Variants in FOLH1 observed in about 807,000 individuals in gnomAD.
FOLH1 encodes glutamate carboxypeptidase 2.
In FOLH1, 54 loss-of-function variants were observed where a neutral mutation model predicts 93.9. The observed-to-expected ratio is 0.57, with a 90% CI of 0.46 to 0.72. FOLH1 has a LOEUF of 0.72. Among genes scored for constraint, FOLH1 ranks in the 30% least tolerant of loss-of-function variants. The probability of loss-of-function intolerance (pLI) is 0.00; values close to 1 mark genes in which losing one functional copy is unlikely to be tolerated. For missense variants in FOLH1, 571 were observed against 892.5 expected (o/e 0.64, Z 4.59); for synonymous variants, 249 against 303.6 (o/e 0.82, Z 1.87).
intron 4 of FOLH1, among the ~76,000 whole-genome samples, chr11:49,191,874 AT>A (rs1390315412): frequency 1.3e-5 from 2 of 152,000 alleles, no homozygotes; most frequent in Non-Finnish European, 2.9e-5. Flanking sequence ...ATTATTTTGT[AT>A]TTTTAATAGA....
chr11:49,207,461 C>A (rs1027947970), intron 1 of FOLH1, among the ~76,000 whole-genome samples: 3 of 152,304 alleles, frequency 2.0e-5, no homozygotes, highest in Non-Finnish European at 2.9e-5. Context: ...TCTTCTAAAT[C>A]CCGAAAGAGG....
At chr11:49,185,917 C>T (rs1590624701) in intron 5 of FOLH1, 62 bp from the exon 6 acceptor site, 1 of 1,485,438 alleles carries the variant, frequency 6.7e-7, no homozygotes, top group African/African-American at 1.4e-5. Flanking sequence ...TCGGTAATAT[C>T]AATTTTCAAT....
At chr11:49,160,592 G>T (rs1358283888) in intron 13 of FOLH1, among the ~76,000 whole-genome samples, 1 of 151,896 alleles carries the variant, frequency 6.6e-6, no homozygotes, top group Non-Finnish European at 1.5e-5. Context: ...ACAGGCACCC[G>T]CCACCACGTC....
At chr11:49,180,492 A>AT (rs1860592084) in intron 7 of FOLH1, among the ~76,000 whole-genome samples, 1 of 152,226 alleles carries the variant, frequency 6.6e-6, no homozygotes, top group Non-Finnish European at 1.5e-5. Flanking sequence ...AGTTCTCAGC[A>AT]TTCTTCGGCC....
Position 49,200,318 on chromosome 11 carries a change from C to G in FOLH1, c.348G>C (p.Leu116=). The change falls in exon 3 of 19, where the codon CTG becomes CTC. Residue 116 remains leucine (L), a synonymous_variant. Coordinates refer to ENST00000256999, the MANE Select transcript of FOLH1 (RefSeq NM_004476.3). ...DSVELAHYDV[L]LSYPNKTHPN... Reference sequence around the variant, plus strand: ...GATGAGTCTTATTTGGGTAGGACAACAGGACATCATAATGTGCTAGCTCAA... The same window carrying G: ...GATGAGTCTTATTTGGGTAGGACAAGAGGACATCATAATGTGCTAGCTCAA... 1 of 1,612,324 alleles carries G rather than the reference C, an allele frequency of 6.2e-7. No individual in the cohort carries two copies. The highest frequency in any genetic ancestry group is 1.7e-4 in the Middle Eastern group (1 of 6,052).
At chr11:49,200,991 CAG>C (rs1590693995) in intron 2 of FOLH1, among the ~76,000 whole-genome samples, 1 of 152,034 alleles carries the variant, frequency 6.6e-6, no homozygotes, top group Non-Finnish European at 1.5e-5. Context: ...ATCTATCATA[CAG>C]AGTGACACAC....
intron 10 of FOLH1, 77 bp downstream of exon 10, chr11:49,173,280 T>C (rs1448189370): frequency 2.1e-6 from 3 of 1,435,254 alleles, no homozygotes; most frequent in Non-Finnish European, 2.8e-6. Flanking sequence ...TGAGGTAGTA[T>C]TTTTATACTC....
intron 13 of FOLH1, among the ~76,000 whole-genome samples, chr11:49,161,321 C>A (rs1306716679): frequency 6.6e-6 from 1 of 152,146 alleles, no homozygotes; most frequent in South Asian, 2.1e-4. Flanking sequence ...GTGTTATGTG[C>A]ATATATATTT....
At chr11:49,158,947 G>T (rs1565141682) in intron 13 of FOLH1, among the ~76,000 whole-genome samples, 1 of 152,124 alleles carries the variant, frequency 6.6e-6, no homozygotes, top group Admixed American at 6.5e-5. Flanking sequence ...TGTTGTTAGT[G>T]TATAGGAATG....
At chr11:49,155,830 A>ATATATC (rs1565135148) in intron 15 of FOLH1, among the ~76,000 whole-genome samples, 1 of 137,490 alleles carries the variant, frequency 7.3e-6, no homozygotes, top group Non-Finnish European at 1.6e-5. Context: ...ATATATATAT[A>ATATATC]TATATAATCA....
At chr11:49,165,952 A>G (rs1168543494) in intron 12 of FOLH1, among the ~76,000 whole-genome samples, 2 of 152,234 alleles carry the variant, frequency 1.3e-5, no homozygotes, top group Non-Finnish European at 2.9e-5. Context: ...TTAATTGCCC[A>G]CATCTGAAGA....
intron 12 of FOLH1, among the ~76,000 whole-genome samples, chr11:49,166,442 G>C (rs919802425): frequency 3.9e-5 from 6 of 152,154 alleles, no homozygotes; most frequent in Admixed American, 6.5e-5. Flanking sequence ...ACTTATCTCA[G>C]AGAGTTATTG....
chr11:49,197,655 G>T (rs1434404565), intron 3 of FOLH1, among the ~76,000 whole-genome samples: 1 of 152,000 alleles, frequency 6.6e-6, no homozygotes, highest in Non-Finnish European at 1.5e-5. Context: ...AGAAATCATA[G>T]TTTACCACAT....
rs774399823 is a variant in FOLH1, at chr11:49,175,876, A to G, written c.1002T>C (p.Thr334=). ...KVPYNVGPGF[T]GNFSTQKVKM... is the part of the protein sequence containing the mutation. The stretch of plus-strand genomic sequence containing the variant: ...CTCTTAACTGTGTAGAAAAGTTTCC[A>G]GTAAAGCCAGGTCCAACATTGTAGG... Residue 334 remains threonine (T), a synonymous_variant, in exon 8 of 19, where the codon ACT becomes ACC. Coordinates refer to ENST00000256999, the MANE Select transcript of FOLH1 (RefSeq NM_004476.3). The G allele has an allele frequency of 2.5e-6, 4 of 1,613,650 alleles. No homozygotes were observed. The highest frequency in any genetic ancestry group is 3.4e-6 in the Non-Finnish European group (4 of 1,179,748).
chr11:49,185,520 C>T, intron 6 of FOLH1, 149 bp downstream of exon 6: 1 of 1,045,948 alleles, frequency 9.6e-7, no homozygotes, highest in Non-Finnish European at 1.4e-6. Context: ...GGGCCTGAAC[C>T]AATCACTTTA....
intron 3 of FOLH1, among the ~76,000 whole-genome samples, chr11:49,198,640 CAT>C (rs1465788267): frequency 6.6e-6 from 1 of 152,138 alleles, no homozygotes; most frequent in African/African-American, 2.4e-5. Flanking sequence ...ATTTTCTGAA[CAT>C]GTTTTAAAGA....
intron 7 of FOLH1, among the ~76,000 whole-genome samples, chr11:49,179,993 G>A (rs945807755): frequency 1.5e-4 from 23 of 152,180 alleles, no homozygotes; most frequent in Non-Finnish European, 3.1e-4. Flanking sequence ...CGCCATTAAA[G>A]GTCTCCCGAG....
chr11:49,148,872 C>G, intron 17 of FOLH1, 141 bp from the exon 18 acceptor site: 3 of 640,750 alleles, frequency 4.7e-6, no homozygotes, highest in Non-Finnish European at 5.0e-6. Flanking sequence ...TTTGTGCATA[C>G]TCAAGTCCTG....
Position 49,174,977 on chromosome 11 carries a change from T to C in FOLH1, c.1020A>G (p.Gln340=), listed in dbSNP as rs1339309169. The change falls in exon 9 of 19, where the codon CAA becomes CAG. Residue 340 remains glutamine, a splice_region_variant and synonymous_variant. Coordinates refer to ENST00000256999, the MANE Select transcript of FOLH1 (RefSeq NM_004476.3). ...GPGFTGNFST[Q]KVKMHIHSTN... ...TAGAGTGGATGTGCATCTTGACTTT[T>C]CTAATGCAAAAATAAAAGACATTCT... 1 of 1,608,284 alleles carries C rather than the reference T, an allele frequency of 6.2e-7. No individual in the cohort carries two copies. Among genetic ancestry groups the C allele is most frequent in the Non-Finnish European group, 8.5e-7 (1 of 1,177,142 alleles).
Sources: gnomAD v4.1 joint callset for allele counts (sites outside exome capture counted in the v4.1 genomes callset) on GRCh38, gnomAD v4.1.1 for gene constraint, MANE v1.5 for transcripts, NCBI Gene and HGNC (gene_info 2026-07-23, HGNC 2026-07-21) for gene names.